The following PPP2R5C variants were observed in gnomAD, a reference collection of about 807,000 sequenced individuals.
PPP2R5C encodes serine/threonine-protein phosphatase 2A 56 kDa regulatory subunit gamma isoform.
Under a neutral mutation model 68.9 loss-of-function variants are expected in PPP2R5C, and 7 were observed. That is an observed-to-expected ratio of 0.10 (90% CI 0.06 to 0.19). PPP2R5C has a LOEUF of 0.19. PPP2R5C is among the 10% of genes least tolerant of loss of function. The probability of loss-of-function intolerance (pLI) is 1.00; values close to 1 mark genes in which losing one functional copy is unlikely to be tolerated. For missense variants in PPP2R5C, 348 were observed against 641.3 expected, an observed-to-expected ratio of 0.54 and a Z score of 4.94; for synonymous variants, 210 against 222.2, an observed-to-expected ratio of 0.95 and a Z score of 0.49.
At chr14:101,819,208 C>T in intron 1 of PPP2R5C, 1 of 812,100 alleles carries the variant, frequency 1.2e-6, no homozygotes, top group Non-Finnish European at 2.0e-6. Flanking sequence ...GGTCAGACTT[C>T]TCAAAGGGGG....
At chr14:101,852,803 C>A (rs1237468598) in intron 1 of PPP2R5C, among the ~76,000 whole-genome samples, 1 of 152,140 alleles carries the variant, frequency 6.6e-6, no homozygotes, top group Non-Finnish European at 1.5e-5. Flanking sequence ...CACCTTCTTT[C>A]TGTCATTTTG....
rs1348653809 is a variant in PPP2R5C at position 101,797,384 on chromosome 14, T to G, written c.259+11201T>G. ...AGTACACGAGTTAACAGTTGCGTGC[T>G]TGTCTGCCTGTGTCATCCATTCGAG... On this transcript the variant is annotated intron_variant, in intron 3 of 14. Transcript: ENST00000328724. The surrounding 1 kb of genome is among the most constrained non-coding windows in gnomAD (Gnocchi z 4.2). The G allele has an allele frequency of 6.9e-6, 3 of 436,126 alleles. No homozygotes were observed. Among genetic ancestry groups the G allele is most frequent in the Admixed American group, 2.4e-5 (1 of 41,848 alleles). 27.0% of individuals were successfully genotyped at this position (436,126 alleles called of 1,614,324 possible). A position where few individuals can be genotyped will look rare whatever the true frequency, so the allele number is the denominator to read the frequency against.
At chr14:101,845,936 G>A (rs377717475) in intron 1 of PPP2R5C, among the ~76,000 whole-genome samples, 3 of 152,254 alleles carry the variant, frequency 2.0e-5, no homozygotes, top group South Asian at 2.1e-4. Flanking sequence ...CCAGCCCCAC[G>A]TTACCAAATT....
chr14:101,922,405 C>T lies in PPP2R5C; in HGVS notation c.1444-2736C>T, dbSNP rs536941203. ...TTGGGAGGCTGAGGCAGGAGAATCG[C>T]TTGAACCCAGGAGGTGGAGGTTGCA... On this transcript the variant is annotated intron_variant, in intron 13 of 13. Transcript: ENST00000334743. Among the ~76,000 whole-genome samples, 4 of 151,924 alleles carry T rather than the reference C, an allele frequency of 2.6e-5. No individual in the cohort carries two copies. The South Asian group carries it at 6.2e-4, about 24-fold the overall frequency.
At chr14:101,791,929 T>C (rs1465471574) in intron 3 of PPP2R5C, among the ~76,000 whole-genome samples, 1 of 152,216 alleles carries the variant, frequency 6.6e-6, no homozygotes, top group East Asian at 1.9e-4. Context: ...TATTCAGATA[T>C]GTGAAATAAA....
intron 13 of PPP2R5C, among the ~76,000 whole-genome samples, chr14:101,922,689 G>A (rs1015662834): frequency 2.0e-5 from 3 of 151,296 alleles, no homozygotes; most frequent in Non-Finnish European, 4.4e-5. Context: ...CATGTGGTGC[G>A]TGCCTGTAGT....
At chr14:101,856,007 G>T (rs1698449369) in intron 1 of PPP2R5C, among the ~76,000 whole-genome samples, 2 of 152,202 alleles carry the variant, frequency 1.3e-5, no homozygotes, top group African/African-American at 4.8e-5. Context: ...ATTAACGTCA[G>T]TCGTCATGTG....
chr14:101,802,024 C>A (rs1025745752), intron 3 of PPP2R5C, among the ~76,000 whole-genome samples: 1 of 152,142 alleles, frequency 6.6e-6, no homozygotes, highest in Non-Finnish European at 1.5e-5. Context: ...GGTGGTCAAA[C>A]GAGTTTTGAC....
At chr14:101,777,577 T>A (rs2037488352) in intron 2 of PPP2R5C, among the ~76,000 whole-genome samples, 1 of 152,194 alleles carries the variant, frequency 6.6e-6, no homozygotes, top group Non-Finnish European at 1.5e-5. Flanking sequence ...CTCAAACTTC[T>A]GACCTCAGGT....
chr14:101,760,634 G>C, upstream of PPP2R5C: 2 of 889,418 alleles, frequency 2.2e-6, no homozygotes, highest in Non-Finnish European at 2.7e-6. Context: ...GCGGGACCTT[G>C]CGGGAGAAAC....
At chr14:101,856,242 C>T (rs1391524952) in intron 1 of PPP2R5C, among the ~76,000 whole-genome samples, 2 of 152,218 alleles carry the variant, frequency 1.3e-5, no homozygotes, top group Admixed American at 6.5e-5. Flanking sequence ...ATCCTTCCCC[C>T]TCTGGTCTTT....
At chr14:101,787,673 G>A (rs993864443) in intron 3 of PPP2R5C, among the ~76,000 whole-genome samples, 28 of 151,526 alleles carry the variant, frequency 1.8e-4, no homozygotes, top group Non-Finnish European at 3.2e-4. Context: ...AGGCTGAGGC[G>A]GGAGAATGGC....
chr14:101,912,707 A>G, intron 12 of PPP2R5C: 1 of 891,838 alleles, frequency 1.1e-6, no homozygotes, highest in Non-Finnish European at 1.5e-6. Context: ...TTTAAATAAG[A>G]TCTGAATCTT....
chr14:101,925,355 A>C, exon 14 of PPP2R5C: 1 of 1,547,466 alleles, frequency 6.5e-7, no homozygotes, highest in East Asian at 2.3e-5. Context: ...TGCCATACCA[A>C]TCAGTTACAC....
At chr14:101,819,031 C>T (rs2039883826) in intron 1 of PPP2R5C, 1 of 1,551,630 alleles carries the variant, frequency 6.4e-7, no homozygotes, top group East Asian at 2.4e-5. Context: ...TAAAGTACCA[C>T]CTCCACTTCT....
chr14:101,776,881 C>CTTT (rs1302841711), intron 2 of PPP2R5C, among the ~76,000 whole-genome samples: 1 of 140,278 alleles, frequency 7.1e-6, no homozygotes, highest in Non-Finnish European at 1.6e-5. Context: ...ACCTCATTCC[C>CTTT]TTTTTTTTTT....
chr14:101,843,799 G>A (rs893143157), intron 1 of PPP2R5C: 9 of 224,342 alleles, frequency 4.0e-5, no homozygotes, highest in Admixed American at 8.9e-5. Context: ...GGGGGAGATC[G>A]CTTTCCAGAT....
upstream of PPP2R5C, among the ~76,000 whole-genome samples, chr14:101,805,468 C>T (rs1388057455): frequency 2.0e-5 from 3 of 152,022 alleles, no homozygotes; most frequent in Admixed American, 1.3e-4. Flanking sequence ...AACTGTGTAT[C>T]GCTATTATGC....
At chr14:101,855,861 T>C (rs61995290) in intron 1 of PPP2R5C, among the ~76,000 whole-genome samples, 8,203 of 152,324 alleles carry the variant, frequency 0.054, 284 homozygotes, top group African/African-American at 0.09. Context: ...TCTTTCTTTA[T>C]GTCTGTTGTG....
Sources: gnomAD v4.1 joint callset for allele counts (sites outside exome capture counted in the v4.1 genomes callset) on GRCh38, gnomAD v4.1.1 for gene constraint, Gnocchi (gnomAD v3.1) non-coding constraint, MANE v1.5 for transcripts, NCBI Gene and HGNC (gene_info 2026-07-23, HGNC 2026-07-21) for gene names.